SLC4A4: variants seen among roughly 807,000 people sequenced by gnomAD.
The protein encoded by SLC4A4 is electrogenic sodium bicarbonate cotransporter 1.
A neutral mutation model predicts 111.5 loss-of-function variants in SLC4A4; 27 were observed. That is an observed-to-expected ratio of 0.24 (90% CI 0.18 to 0.33). SLC4A4 has a LOEUF of 0.33. Ranked by LOEUF, SLC4A4 falls within the 10% of genes least tolerant of loss-of-function variation. The probability of loss-of-function intolerance (pLI) is 1.00; values close to 1 mark genes in which losing one functional copy is unlikely to be tolerated. For missense variants in SLC4A4, 909 were observed against 1,315.5 expected (o/e 0.69, Z 4.78); for synonymous variants, 443 against 463.4 (o/e 0.96, Z 0.57).
intron 2 of SLC4A4, among the ~76,000 whole-genome samples, chr4:71,250,703 C>T (rs528014920): frequency 6.6e-6 from 1 of 152,230 alleles, no homozygotes; most frequent in South Asian, 2.1e-4. Context: ...TGTCTATTCT[C>T]TTGTTAGCAG....
At chr4:71,360,964 C>T (rs151202248) in intron 6 of SLC4A4, among the ~76,000 whole-genome samples, 81 of 152,220 alleles carry the variant, frequency 5.3e-4, no homozygotes, top group African/African-American at 1.7e-3. Context: ...CTCAGCAGAG[C>T]GAGTCCTGGT....
At chr4:71,173,144 C>T (rs1432515052) in intron 2 of SLC4A4, among the ~76,000 whole-genome samples, 4 of 152,156 alleles carry the variant, frequency 2.6e-5, no homozygotes, top group Non-Finnish European at 5.9e-5. Flanking sequence ...ACCATTGAAA[C>T]TCTCATGTGA....
intron 2 of SLC4A4, among the ~76,000 whole-genome samples, chr4:71,108,766 C>T (rs1249450539): frequency 6.6e-6 from 1 of 152,062 alleles, no homozygotes. Context: ...TTCTGGAATC[C>T]TGGAAAGTCT....
At chr4:71,250,237 T>A (rs772544251) in intron 2 of SLC4A4, among the ~76,000 whole-genome samples, 1 of 152,212 alleles carries the variant, frequency 6.6e-6, no homozygotes, top group African/African-American at 2.4e-5. Flanking sequence ...GACCAGGTTA[T>A]ATTAGATAAG....
rs564487981 is a variant in SLC4A4, at chr4:71,080,523, A to G, written c.-64-12207A>G. Reference sequence around the variant, plus strand: ...AGTGTTTTCCCTTCCAAGTGGCCATAAATGTTGCTGGACAATTTTCAGCAT... The same window carrying G: ...AGTGTTTTCCCTTCCAAGTGGCCATGAATGTTGCTGGACAATTTTCAGCAT... On this transcript the variant is annotated intron_variant, in intron 1 of 26. Coordinates refer to the SLC4A4 transcript ENST00000649996. Among the ~76,000 whole-genome samples, 15 of 152,238 alleles carry G rather than the reference A, an allele frequency of 9.9e-5. No individual in the cohort carries two copies. The South Asian group carries it at 3.1e-3, about 32-fold the overall frequency.
intron 16 of SLC4A4, among the ~76,000 whole-genome samples, chr4:71,518,676 A>C (rs1732636602): frequency 6.6e-6 from 1 of 150,680 alleles, no homozygotes; most frequent in African/African-American, 2.5e-5. Context: ...GGGTGTTCAG[A>C]GCCTATTATA....
chr4:71,084,226 C>A (rs966334201), intron 1 of SLC4A4, among the ~76,000 whole-genome samples: 1 of 151,970 alleles, frequency 6.6e-6, no homozygotes, highest in Admixed American at 6.6e-5. Flanking sequence ...TATTAATAAT[C>A]GGATGTAAAG....
chr4:71,394,017 A>G (rs1164538455), intron 6 of SLC4A4, among the ~76,000 whole-genome samples: 1 of 152,164 alleles, frequency 6.6e-6, no homozygotes, highest in Non-Finnish European at 1.5e-5. Context: ...TCAACTCAAG[A>G]TGGATTAAGG....
intron 2 of SLC4A4, among the ~76,000 whole-genome samples, chr4:71,148,108 C>T (rs1010354849): frequency 3.3e-5 from 5 of 152,144 alleles, no homozygotes; most frequent in South Asian, 2.1e-4. Context: ...TAAAGATCAC[C>T]GACCCCACTA....
chr4:71,133,240 T>C (rs956590069), intron 2 of SLC4A4, among the ~76,000 whole-genome samples: 5 of 152,230 alleles, frequency 3.3e-5, no homozygotes, highest in African/African-American at 1.2e-4. Flanking sequence ...AGGTCTCACT[T>C]GGATCCTATT....
chr4:71,555,190 A>G lies in SLC4A4; in HGVS notation c.2745A>G (p.Ala915=). The change falls in exon 21 of 26, where the codon GCA becomes GCG. Residue 915 remains alanine, a synonymous_variant. Coordinates refer to ENST00000264485, the MANE Select transcript of SLC4A4 (RefSeq NM_001098484.3). ...LYGVFLYMGV[A]SLNGVQFMDR... is the part of the protein sequence containing the mutation. ...GTGTGTTCCTGTATATGGGAGTAGC[A>G]TCCCTTAATGGTGTGCAGGTAAGTT... The G allele has an allele frequency of 6.2e-7, 1 of 1,609,668 alleles. No homozygotes were observed. The highest frequency in any genetic ancestry group is 8.5e-7 in the Non-Finnish European group (1 of 1,176,568).
At chr4:71,396,803 G>A (rs181960571) in intron 6 of SLC4A4, among the ~76,000 whole-genome samples, 1 of 152,272 alleles carries the variant, frequency 6.6e-6, no homozygotes, top group East Asian at 1.9e-4. Flanking sequence ...TGGATCACCG[G>A]TGAACCATAT....
intron 3 of SLC4A4, among the ~76,000 whole-genome samples, chr4:71,303,074 A>G (rs1446052441): frequency 2.0e-5 from 3 of 152,230 alleles, no homozygotes; most frequent in African/African-American, 4.8e-5. Flanking sequence ...CTCTCCATAA[A>G]GTAATTTCCA....
chr4:71,346,527 T>A (rs1254192300), intron 4 of SLC4A4, among the ~76,000 whole-genome samples: 1 of 149,778 alleles, frequency 6.7e-6, no homozygotes, highest in Non-Finnish European at 1.5e-5. Context: ...AAAAGTCTGT[T>A]TTTTTTTTTT....
chr4:71,550,518 G>A (rs1458571969), intron 20 of SLC4A4, among the ~76,000 whole-genome samples: 1 of 151,852 alleles, frequency 6.6e-6, no homozygotes, highest in Non-Finnish European at 1.5e-5. Context: ...TGGTGTCAGG[G>A]GTTATGTTGG....
intron 3 of SLC4A4, among the ~76,000 whole-genome samples, chr4:71,258,475 T>C (rs951582439): frequency 1.3e-5 from 2 of 152,206 alleles, no homozygotes; most frequent in Non-Finnish European, 2.9e-5. Flanking sequence ...TGTTGCTGGA[T>C]TGTAAACTCC....
At chr4:71,276,976 C>A (rs78274629) in intron 3 of SLC4A4, among the ~76,000 whole-genome samples, 1 of 151,968 alleles carries the variant, frequency 6.6e-6, no homozygotes, top group African/African-American at 2.4e-5. Flanking sequence ...CCCAGGAGGT[C>A]GAGTCTGTAG....
At chr4:71,163,867 G>A (rs1325610146) in intron 2 of SLC4A4, among the ~76,000 whole-genome samples, 27 of 152,138 alleles carry the variant, frequency 1.8e-4, no homozygotes, top group Admixed American at 1.8e-3. Context: ...GGCAACCTCT[G>A]GTTTAAACTA....
chr4:71,152,855 T>G (rs1420115238), intron 2 of SLC4A4, among the ~76,000 whole-genome samples: 1 of 151,726 alleles, frequency 6.6e-6, no homozygotes, highest in Non-Finnish European at 1.5e-5. Flanking sequence ...CTCCATTTGC[T>G]CATTCACTAA....
Sources: allele counts gnomAD v4.1 joint callset (sites outside exome capture counted in the v4.1 genomes callset), GRCh38; gene constraint gnomAD v4.1.1; transcripts MANE v1.5; gene names NCBI Gene and HGNC (gene_info 2026-07-23, HGNC 2026-07-21).